The following ZFAT variants were observed in gnomAD, a reference collection of about 807,000 sequenced individuals.
ZFAT encodes zinc finger protein ZFAT.
In ZFAT, 64 loss-of-function variants were observed where a neutral mutation model predicts 117.7. That is an observed-to-expected ratio of 0.54 (90% CI 0.44 to 0.67). ZFAT has a LOEUF of 0.67. Among genes scored for constraint, ZFAT ranks in the 30% least tolerant of loss-of-function variants. The pLI, the probability that ZFAT is intolerant of heterozygous loss-of-function variation, is 0.00. For missense variants in ZFAT, 1,433 were observed against 1,584.5 expected (o/e 0.90, Z 1.62); for synonymous variants, 679 against 615.0 (o/e 1.10, Z -1.54).
intron 14 of ZFAT, among the ~76,000 whole-genome samples, chr8:134,512,064 C>T (rs1819890799): frequency 6.6e-6 from 1 of 152,190 alleles, no homozygotes; most frequent in African/African-American, 2.4e-5. Context: ...GACCCAGATT[C>T]CAGGATGAGC....
At chr8:134,484,494 C>T (rs1224804744) in intron 15 of ZFAT, among the ~76,000 whole-genome samples, 3 of 152,286 alleles carry the variant, frequency 2.0e-5, no homozygotes, top group African/African-American at 7.2e-5. Context: ...GGTGCATTGT[C>T]TATGGAGGAG....
At chr8:134,640,421 A>C (rs1419640656) in intron 2 of ZFAT, among the ~76,000 whole-genome samples, 1 of 152,028 alleles carries the variant, frequency 6.6e-6, no homozygotes, top group East Asian at 1.9e-4. Context: ...CTCCACACAG[A>C]CTCAATGGAG....
chr8:134,495,727 C>A (rs1049152711), intron 15 of ZFAT, among the ~76,000 whole-genome samples: 4 of 152,156 alleles, frequency 2.6e-5, no homozygotes, highest in Non-Finnish European at 5.9e-5. Context: ...CCCAGTAGCT[C>A]GAGACCAGCC....
At chr8:134,702,656 T>A (rs1394574403) in intron 1 of ZFAT, among the ~76,000 whole-genome samples, 1 of 151,618 alleles carries the variant, frequency 6.6e-6, no homozygotes, top group Non-Finnish European at 1.5e-5. Context: ...GTCCACCAAA[T>A]CTCTATTTCT....
intron 9 of ZFAT, among the ~76,000 whole-genome samples, chr8:134,587,641 G>A (rs571278480): frequency 1.3e-5 from 2 of 152,092 alleles, no homozygotes; most frequent in African/African-American, 4.8e-5. Flanking sequence ...CAAAGTTGAC[G>A]GTCTGTTGCC....
intron 1 of ZFAT, among the ~76,000 whole-genome samples, chr8:134,680,253 C>A (rs1833010012): frequency 7.4e-6 from 1 of 135,138 alleles, no homozygotes. Context: ...CAGAGCCAGA[C>A]TCCCCCTCAA....
chr8:134,661,514 G>C (rs974919804), intron 1 of ZFAT, among the ~76,000 whole-genome samples: 2 of 152,210 alleles, frequency 1.3e-5, no homozygotes, highest in African/African-American at 4.8e-5. Flanking sequence ...TAGAATGTGA[G>C]GTCATTGGAA....
chr8:134,544,489 CATAA>C, intron 11 of ZFAT, among the ~76,000 whole-genome samples: 1 of 151,302 alleles, frequency 6.6e-6, no homozygotes, highest in Non-Finnish European at 1.5e-5. Context: ...TAAGAGACAT[CATAA>C]AGAAAGTGAA....
chr8:134,813,801 T>TACACAC, the ZFAT span, among the ~76,000 whole-genome samples: 800 of 147,126 alleles, frequency 5.4e-3, 8 homozygotes, highest in African/African-American at 0.014. Flanking sequence ...TTTGATTTTA[T>TACACAC]ACACACACAC....
chr8:134,632,795 T>A (rs1377561443), intron 3 of ZFAT, among the ~76,000 whole-genome samples: 2 of 151,956 alleles, frequency 1.3e-5, no homozygotes, highest in Non-Finnish European at 2.9e-5. Flanking sequence ...GCATATATGA[T>A]CATTCAAAGG....
chr8:134,653,269 T>TAAAAAAAAAAA (rs1441852865), intron 2 of ZFAT, among the ~76,000 whole-genome samples: 2 of 99,130 alleles, frequency 2.0e-5, no homozygotes, highest in Admixed American at 1.1e-4. Context: ...AATGTCTTTT[T>TAAAAAAAAAAA]TAAAAAAAAA....
chr8:134,597,189 CTT>C (rs971658876), intron 7 of ZFAT, among the ~76,000 whole-genome samples: 3 of 144,956 alleles, frequency 2.1e-5, no homozygotes, highest in Non-Finnish European at 1.5e-5. Flanking sequence ...GAAAGCAGAT[CTT>C]TTTTTTTTTT....
intron 11 of ZFAT, among the ~76,000 whole-genome samples, chr8:134,558,445 C>T (rs1177509363): frequency 1.3e-5 from 2 of 152,078 alleles, no homozygotes; most frequent in East Asian, 3.9e-4. Context: ...AAAGGAATTC[C>T]CAAAGGTTAA....
chr8:134,624,530 A>G (rs934581312), intron 3 of ZFAT, among the ~76,000 whole-genome samples: 1 of 152,048 alleles, frequency 6.6e-6, no homozygotes, highest in African/African-American at 2.4e-5. Flanking sequence ...GGGGGCGCAC[A>G]CCTATATTCC....
intron 10 of ZFAT, among the ~76,000 whole-genome samples, chr8:134,575,525 G>A (rs540533055): frequency 2.6e-5 from 4 of 152,176 alleles, no homozygotes; most frequent in Non-Finnish European, 4.4e-5. Context: ...ATTTTAGATC[G>A]CTGACCTCCA....
At chr8:134,774,806 T>C in the ZFAT span, among the ~76,000 whole-genome samples, 1 of 152,106 alleles carries the variant, frequency 6.6e-6, no homozygotes, top group Non-Finnish European at 1.5e-5. Flanking sequence ...TGCTAAACCC[T>C]TCCAATGAAC....
At position 134,602,608 on chromosome 8, in the gene ZFAT, T is replaced by G. The variant is rs1827586543; in HGVS notation, c.1111A>C (p.Lys371Gln). ...GGGTCATGCGCGTCTCGGATGTGCT[T>G]GATGAGGTTCTTGACGTCAGAGTAC... ...KKYSDVKNLI[K>Q]HIRDAHDPQD... The change falls in exon 6 of 16, where the codon AAG becomes CAG. Residue 371 changes from lysine (K) to glutamine (Q), a missense_variant. Physicochemically the swap from Lys to Gln is moderately conservative, Grantham distance 53 (BLOSUM62 1). Coordinates refer to ENST00000377838, the MANE Select transcript of ZFAT (RefSeq NM_020863.4). 2 of 1,614,056 alleles carry G rather than the reference T, an allele frequency of 1.2e-6. No homozygotes were observed. The highest frequency in any genetic ancestry group is 1.3e-5 in the African/African-American group (1 of 74,938).
At chr8:134,768,951 T>C in the ZFAT span, among the ~76,000 whole-genome samples, 2 of 152,136 alleles carry the variant, frequency 1.3e-5, no homozygotes, top group African/African-American at 4.8e-5. Flanking sequence ...GGTGGGCAGA[T>C]TGCTTGAGGC....
chr8:134,501,762 T>C (rs1266249812), intron 15 of ZFAT, among the ~76,000 whole-genome samples: 10 of 152,192 alleles, frequency 6.6e-5, no homozygotes, highest in Admixed American at 3.9e-4. Flanking sequence ...AGGGAGAGAC[T>C]TGTTTATAGT....
Sources: allele counts gnomAD v4.1 joint callset (sites outside exome capture counted in the v4.1 genomes callset), GRCh38; gene constraint gnomAD v4.1.1; transcripts MANE v1.5; gene names NCBI Gene and HGNC (gene_info 2026-07-23, HGNC 2026-07-21).